Variants in POF1B observed in about 807,000 individuals in gnomAD.
POF1B encodes protein POF1B.
A neutral mutation model predicts 55.3 loss-of-function variants in POF1B; 53 were observed. That is an observed-to-expected ratio of 0.96 (90% confidence interval 0.77 to 1.20). The LOEUF is 1.20. Among genes scored for constraint, POF1B ranks in the 50% most tolerant of loss-of-function variants. The probability of loss-of-function intolerance (pLI) is 0.00; values close to 1 mark genes in which losing one functional copy is unlikely to be tolerated. For missense variants in POF1B, 478 were observed against 420.5 expected (o/e 1.14, Z -1.20); for synonymous variants, 188 against 148.3 (o/e 1.27, Z -1.95).
chrX:85,350,817 G>T (rs986464724), intron 5 of POF1B, among the ~76,000 whole-genome samples: 1 of 111,280 alleles, frequency 9.0e-6, no homozygotes, highest in Non-Finnish European at 1.9e-5. Context: ...GAATGGCAAT[G>T]ATTAAAAAGT....
chrX:85,345,923 A>G lies in POF1B; in HGVS notation c.660T>C (p.Asn220=), dbSNP rs779946572. ...CATTTCCAATATGTGTAGAAATTGGATTATTTCCTGTGATGGCTTGGATTT... is the reference window on the plus strand; with the variant it reads ...CATTTCCAATATGTGTAGAAATTGGGTTATTTCCTGTGATGGCTTGGATTT... The part of the protein sequence containing the change: ...SQQIQAITGN[N]PISTHIGNEL... The change falls in exon 6 of 17, where the codon AAT becomes AAC. Residue 220 remains asparagine (N), a synonymous_variant. Coordinates refer to ENST00000262753, the MANE Select transcript of POF1B (RefSeq NM_024921.4). 1.2e-5 allele frequency: 15 copies of G among 1,206,569 alleles called. No homozygotes were observed. In the Admixed American group the frequency reaches 1.8e-4, roughly 14 times the overall value.
chrX:85,342,528 C>T (rs1933192152), intron 6 of POF1B, among the ~76,000 whole-genome samples: 2 of 111,342 alleles, frequency 1.8e-5, no homozygotes, highest in Admixed American at 9.5e-5. Flanking sequence ...ATATATTGTA[C>T]ATTAAAGTAT....
chrX:85,303,618 C>T (rs185709643), intron 14 of POF1B, 130 bp from the exon 15 acceptor site: 4 of 445,010 alleles, frequency 9.0e-6, no homozygotes, highest in African/African-American at 5.0e-5. Context: ...TTAGCCTTGA[C>T]GTAATAATGT....
In POF1B at chrX:85,345,879, G is replaced by A. The variant is rs1290220208; in HGVS notation, c.704C>T (p.Ser235Leu). 1.7e-6 allele frequency: 2 copies of A among 1,200,758 alleles called. No individual in the cohort carries two copies. Among genetic ancestry groups the A allele is most frequent in the East Asian group, 6.0e-5 (2 of 33,483 alleles). Residue 235 changes from serine to leucine, a missense_variant, in exon 6 of 17, where the codon TCA becomes TTA. Transcript: ENST00000262753. ...TCTTACCTGCTCACAAATCTGGCTT[G>A]ATCCACTATGGCACAGTTCATTTCC... is the stretch of plus-strand genomic sequence containing the variant. ...HIGNELCHSG[S>L]SQICEQVIIQ...
At chrX:85,309,017 A>G (rs1314365466) in intron 9 of POF1B, among the ~76,000 whole-genome samples, 1 of 111,595 alleles carries the variant, frequency 9.0e-6, no homozygotes, top group Non-Finnish European at 1.9e-5. Flanking sequence ...CTTTTACTAG[A>G]TTATTCTTAT....
chrX:85,342,172 A>G (rs1444101520), intron 6 of POF1B, among the ~76,000 whole-genome samples: 1 of 111,821 alleles, frequency 8.9e-6, no homozygotes, highest in Non-Finnish European at 1.9e-5. Context: ...GTAACTTGTA[A>G]TATTTTGAAT....
At chrX:85,326,490 G>T (rs1282654670) in intron 7 of POF1B, among the ~76,000 whole-genome samples, 1 of 110,203 alleles carries the variant, frequency 9.1e-6, no homozygotes, top group Admixed American at 9.7e-5. Flanking sequence ...CAAGTGCGGG[G>T]CGCTGGTGGG....
chrX:85,294,669 G>A (rs895288650), intron 15 of POF1B, among the ~76,000 whole-genome samples: 7 of 111,319 alleles, frequency 6.3e-5, no homozygotes, highest in African/African-American at 1.3e-4. Context: ...TTATTGGCAC[G>A]AAATTTTCTT....
At chrX:85,332,351 C>T (rs752536652) in intron 6 of POF1B, among the ~76,000 whole-genome samples, 33 of 111,126 alleles carry the variant, frequency 3.0e-4, no homozygotes, top group Middle Eastern at 4.6e-3. Flanking sequence ...AAATCCTAGA[C>T]GCAAATTACT....
chrX:85,367,820 C>T (rs1933753837), intron 2 of POF1B, 54 bp from the exon 3 acceptor site: 2 of 805,483 alleles, frequency 2.5e-6, no homozygotes, highest in Admixed American at 6.6e-5. Context: ...CTTAAGTTCT[C>T]ATGGTATTTT....
intron 7 of POF1B, among the ~76,000 whole-genome samples, chrX:85,327,350 G>A (rs1932908177): frequency 2.7e-5 from 3 of 111,709 alleles, no homozygotes; most frequent in Non-Finnish European, 5.6e-5. Context: ...TAAAATAGTT[G>A]TAGTGTGTTA....
At chrX:85,281,986 ATTATAT>A (rs1375158918) in intron 16 of POF1B, 6 of 299,576 alleles carry the variant, frequency 2.0e-5, no homozygotes, top group Middle Eastern at 1.1e-3. Flanking sequence ...AGGGGCAAAA[ATTATAT>A]TTATATTATA....
At position 85,338,845 on chromosome X, in the gene POF1B, G is replaced by A. The variant is rs1933120620; in HGVS notation, c.723+7015C>T. 2.7e-5 allele frequency among the ~76,000 whole-genome samples: 3 copies of A among 111,601 alleles called. No homozygotes were observed. In the Admixed American group the frequency reaches 2.9e-4, roughly 11 times the overall value. ...TAAAGCACTGGATATATCATTGATA[G>A]ATGAGAGAAAGTGAAAAGCGGATAT... is the stretch of plus-strand genomic sequence containing the variant. On this transcript the variant is annotated intron_variant, in intron 6 of 16. Coordinates refer to ENST00000262753, the MANE Select transcript of POF1B (RefSeq NM_024921.4).
At chrX:85,365,182 A>G (rs1256589665) in intron 3 of POF1B, among the ~76,000 whole-genome samples, 1 of 111,555 alleles carries the variant, frequency 9.0e-6, no homozygotes, top group Non-Finnish European at 1.9e-5. Context: ...TAGTTTTCTC[A>G]GATTGGGTTT....
At chrX:85,337,037 G>C (rs757568944) in intron 6 of POF1B, among the ~76,000 whole-genome samples, 8 of 111,789 alleles carry the variant, frequency 7.2e-5, no homozygotes, top group Non-Finnish European at 1.5e-4. Flanking sequence ...TCCCAGCACA[G>C]TTTGTGGAAG....
intron 4 of POF1B, 129 bp from the exon 5 acceptor site, chrX:85,351,580 C>T: frequency 2.2e-6 from 1 of 449,287 alleles, no homozygotes; most frequent in South Asian, 3.5e-5. Context: ...AGAGGAATGA[C>T]ATCCCAATAA....
At chrX:85,374,992 A>G (rs1436328717) in intron 2 of POF1B, among the ~76,000 whole-genome samples, 1 of 111,923 alleles carries the variant, frequency 8.9e-6, no homozygotes, top group Non-Finnish European at 1.9e-5. Context: ...TGTATAATAG[A>G]ACTACTTCCT....
At chrX:85,330,121 T>C (rs1282726780) in intron 7 of POF1B, among the ~76,000 whole-genome samples, 2 of 110,030 alleles carry the variant, frequency 1.8e-5, no homozygotes, top group Non-Finnish European at 3.8e-5. Flanking sequence ...GCCACAGATA[T>C]GCTGTAATTA....
intron 9 of POF1B, among the ~76,000 whole-genome samples, chrX:85,309,374 GAA>G (rs1932649397): frequency 9.3e-6 from 1 of 107,625 alleles, no homozygotes; most frequent in Non-Finnish European, 1.9e-5. Flanking sequence ...AAAAAAGAAA[GAA>G]AAAAGAAAAA....
Sources: allele counts gnomAD v4.1 joint callset (sites outside exome capture counted in the v4.1 genomes callset), GRCh38; gene constraint gnomAD v4.1.1; transcripts MANE v1.5; gene names NCBI Gene and HGNC (gene_info 2026-07-23, HGNC 2026-07-21).